The following ARHGEF3 variants were observed in gnomAD, a reference collection of about 807,000 sequenced individuals.
The protein encoded by ARHGEF3 is Rho guanine nucleotide exchange factor 3, also known as 59.8 kDA protein.
In ARHGEF3, 28 loss-of-function variants were observed where a neutral mutation model predicts 63.2. The ratio of observed to expected loss-of-function variants is 0.44; its 90% CI spans 0.33 to 0.61. The LOEUF (loss-of-function observed/expected upper bound fraction) is 0.61. Ranked by LOEUF, ARHGEF3 falls within the 20% of genes least tolerant of loss-of-function variation. ARHGEF3 has a pLI of 0.03. For synonymous variants in ARHGEF3, 266 were observed against 254.2 expected, an observed-to-expected ratio of 1.05 and a Z score of -0.44; for missense variants, 533 against 659.3, an observed-to-expected ratio of 0.81 and a Z score of 2.10.
intron 2 of ARHGEF3, among the ~76,000 whole-genome samples, chr3:56,985,303 G>A (rs1194969209): frequency 6.6e-6 from 1 of 152,218 alleles, no homozygotes; most frequent in African/African-American, 2.4e-5. Flanking sequence ...TGGCCAGGCT[G>A]GTCTTGAACT....
At chr3:56,988,338 G>A (rs1015352281) in intron 2 of ARHGEF3, among the ~76,000 whole-genome samples, 4 of 151,940 alleles carry the variant, frequency 2.6e-5, no homozygotes, top group South Asian at 2.1e-4. Flanking sequence ...TAGTGGAGAC[G>A]GGGTTTCACC....
chr3:56,985,683 T>TA (rs1487317714), intron 2 of ARHGEF3, among the ~76,000 whole-genome samples: 6 of 152,276 alleles, frequency 3.9e-5, no homozygotes, highest in African/African-American at 1.4e-4. Flanking sequence ...GGGAACAGCA[T>TA]AGCTGAGAGC....
chr3:57,035,420 G>A (rs1197611312), intron 1 of ARHGEF3, among the ~76,000 whole-genome samples: 1 of 152,192 alleles, frequency 6.6e-6, no homozygotes, highest in Non-Finnish European at 1.5e-5. Flanking sequence ...CACAATCTCA[G>A]CTCACTGCAA....
intron 4 of ARHGEF3, among the ~76,000 whole-genome samples, chr3:56,830,454 C>A (rs1317116982): frequency 1.3e-5 from 2 of 150,244 alleles, no homozygotes; most frequent in African/African-American, 2.4e-5. Context: ...CATCTCTCAC[C>A]TGGAGTAGTA....
At chr3:56,847,824 C>T (rs1328705207) in intron 4 of ARHGEF3, among the ~76,000 whole-genome samples, 2 of 152,154 alleles carry the variant, frequency 1.3e-5, no homozygotes, top group Non-Finnish European at 2.9e-5. Context: ...GCAGTCCTCC[C>T]GCCTTGGCCT....
At position 57,028,520 on chromosome 3, in the gene ARHGEF3, T is replaced by C. The variant is rs1267947922; in HGVS notation, c.62+6568A>G. ...GATCACATGGACACAGGAAGGGGAA[T>C]ATCACACTCTGGGGACTGTGGTGGG... On this transcript the variant is annotated intron_variant, in intron 2 of 12. Transcript: ENST00000338458. 6.9e-5 allele frequency among the ~76,000 whole-genome samples: 7 copies of C among 101,054 alleles called. No individual in the cohort carries two copies. In the South Asian group the frequency reaches 1.3e-3, roughly 19 times the overall value. 66.3% of individuals were successfully genotyped at this position (101,054 alleles called of 152,430 possible). A position where few individuals can be genotyped will look rare whatever the true frequency, so the allele number is the denominator to read the frequency against.
At chr3:56,808,398 A>G (rs1344671785) in intron 4 of ARHGEF3, among the ~76,000 whole-genome samples, 2 of 152,146 alleles carry the variant, frequency 1.3e-5, no homozygotes, top group Non-Finnish European at 2.9e-5. Flanking sequence ...CCTGAACAAC[A>G]TAATGAGATC....
At chr3:56,988,744 G>A (rs1243203980) in intron 2 of ARHGEF3, among the ~76,000 whole-genome samples, 2 of 152,242 alleles carry the variant, frequency 1.3e-5, no homozygotes, top group Admixed American at 1.3e-4. Flanking sequence ...AAGCTCACGA[G>A]TTTGGCAGGC....
intron 4 of ARHGEF3, among the ~76,000 whole-genome samples, chr3:56,846,066 A>T (rs1445370641): frequency 6.6e-6 from 1 of 152,210 alleles, no homozygotes; most frequent in African/African-American, 2.4e-5. Flanking sequence ...CTGGTAACCC[A>T]TGCTATTGAA....
chr3:57,014,348 AG>A lies in ARHGEF3; in HGVS notation c.62+20739del, dbSNP rs201744118. ...ACCGATTCTGGACACAATAGTGCAC[AG>A]CCTTAACCACTACAGCACCTTCCTT... On this transcript the variant is annotated intron_variant, in intron 2 of 12. Coordinates refer to the ARHGEF3 transcript ENST00000338458. Among the ~76,000 whole-genome samples, 11 of 152,316 alleles carry A rather than the reference AG, an allele frequency of 7.2e-5. No homozygotes were observed. The East Asian group carries it at 2.1e-3, about 29-fold the overall frequency.
intron 1 of ARHGEF3, among the ~76,000 whole-genome samples, chr3:56,780,640 C>T (rs2036520145): frequency 6.6e-6 from 1 of 152,188 alleles, no homozygotes; most frequent in African/African-American, 2.4e-5. Context: ...TGTTGTCTTT[C>T]ATGATCTTAT....
intron 3 of ARHGEF3, among the ~76,000 whole-genome samples, chr3:56,924,391 C>T (rs1041606515): frequency 1.3e-5 from 2 of 152,160 alleles, no homozygotes; most frequent in Non-Finnish European, 2.9e-5. Flanking sequence ...CCATGAGTCT[C>T]TGTGTTACAG....
At chr3:56,829,022 G>A (rs2038836019) in intron 4 of ARHGEF3, among the ~76,000 whole-genome samples, 1 of 152,136 alleles carries the variant, frequency 6.6e-6, no homozygotes. Context: ...TGTCTCCCGG[G>A]TTCAAGCGAT....
chr3:56,886,606 C>T (rs78584019), intron 3 of ARHGEF3, among the ~76,000 whole-genome samples: 14,075 of 152,180 alleles, frequency 0.092, 825 homozygotes, highest in Non-Finnish European at 0.13. Flanking sequence ...CAACAGGACA[C>T]GGCACTCACT....
At chr3:56,915,631 C>T (rs1169534325) in intron 3 of ARHGEF3, among the ~76,000 whole-genome samples, 1 of 152,136 alleles carries the variant, frequency 6.6e-6, no homozygotes, top group Non-Finnish European at 1.5e-5. Flanking sequence ...GACACTCTTT[C>T]CAAAATAACC....
At chr3:57,073,750 G>A (rs1022771982) in intron 1 of ARHGEF3, 1 of 1,614,164 alleles carries the variant, frequency 6.2e-7, no homozygotes, top group Non-Finnish European at 8.5e-7. Flanking sequence ...GGAGACACCT[G>A]GGAAATGAAG....
intron 4 of ARHGEF3, among the ~76,000 whole-genome samples, chr3:56,828,257 C>T (rs1012761083): frequency 2.0e-5 from 3 of 151,978 alleles, no homozygotes; most frequent in Non-Finnish European, 4.4e-5. Context: ...TGTTCATGGC[C>T]GGGCACGGTG....
rs1232927191 is a variant in ARHGEF3 at position 56,740,269 on chromosome 3, T to TA, written c.871-2915_871-2914insT. On this transcript the variant is annotated intron_variant, in intron 7 of 9. Coordinates refer to ENST00000296315, the MANE Select transcript of ARHGEF3 (RefSeq NM_019555.3). ...TGGTGGTAGCACTCACTACTTTGAT[T>TA]TAAAAAAAAAAACCCTTATTTTAAA... 1.2e-4 allele frequency among the ~76,000 whole-genome samples: 11 copies of TA among 93,912 alleles called. No homozygotes were observed. In the South Asian group the frequency reaches 3.2e-3, roughly 28 times the overall value. 61.6% of individuals were successfully genotyped at this position (93,912 alleles called of 152,430 possible). A position where few individuals can be genotyped will look rare whatever the true frequency, so the allele number is the denominator to read the frequency against.
At chr3:56,833,685 A>G (rs1032255017) in intron 4 of ARHGEF3, among the ~76,000 whole-genome samples, 1 of 152,136 alleles carries the variant, frequency 6.6e-6, no homozygotes, top group Non-Finnish European at 1.5e-5. Context: ...CATTCCTGAG[A>G]TTGGTTCTCT....
Sources: allele counts gnomAD v4.1 joint callset (sites outside exome capture counted in the v4.1 genomes callset), GRCh38; gene constraint gnomAD v4.1.1; transcripts MANE v1.5; gene names NCBI Gene and HGNC (gene_info 2026-07-23, HGNC 2026-07-21).